GSAP: variants seen among roughly 807,000 people sequenced by gnomAD.
GSAP encodes gamma-secretase activating protein.
A neutral mutation model predicts 131.7 loss-of-function variants in GSAP; 118 were observed. That is an observed-to-expected ratio of 0.90 (90% CI 0.77 to 1.04). GSAP has a LOEUF of 1.04. Ranked by LOEUF, GSAP falls within the 50% of genes least tolerant of loss-of-function variation. The probability of loss-of-function intolerance (pLI) is 0.00; values close to 1 mark genes in which losing one functional copy is unlikely to be tolerated. For synonymous variants in GSAP, 381 were observed against 363.4 expected (o/e 1.05, Z -0.55); for missense variants, 1,019 against 1,013.2 (o/e 1.01, Z -0.08).
chr7:77,399,704 G>T (rs1205043765), intron 3 of GSAP, among the ~76,000 whole-genome samples: 1 of 104,052 alleles, frequency 9.6e-6, no homozygotes, highest in African/African-American at 4.7e-5. Context: ...AACTTGAGGT[G>T]GGGGGGGGCG....
intron 26 of GSAP, chr7:77,316,226 T>C (rs1324167800): frequency 3.3e-5 from 5 of 152,130 alleles, no homozygotes; most frequent in African/African-American, 9.7e-5. Context: ...CAGAGAGGCA[T>C]GGTAACATGT....
intron 18 of GSAP, among the ~76,000 whole-genome samples, chr7:77,350,257 A>G (rs2150832364): frequency 9.7e-6 from 1 of 102,654 alleles, no homozygotes. Context: ...GGAACATCAC[A>G]CTCTGGGGAC....
chr7:77,368,666 C>T (rs1795675127), intron 12 of GSAP, among the ~76,000 whole-genome samples: 2 of 152,188 alleles, frequency 1.3e-5, no homozygotes, highest in African/African-American at 4.8e-5. Flanking sequence ...TTTTGGCTTA[C>T]TAAGTCTATT....
chr7:77,362,001 A>G (rs941944585), intron 13 of GSAP, among the ~76,000 whole-genome samples: 3 of 152,208 alleles, frequency 2.0e-5, no homozygotes, highest in African/African-American at 7.2e-5. Flanking sequence ...AAGCAAATAA[A>G]CACACTTTGG....
chr7:77,317,786 CA>C (rs1409189748), intron 26 of GSAP, among the ~76,000 whole-genome samples: 6 of 152,168 alleles, frequency 3.9e-5, no homozygotes, highest in Non-Finnish European at 8.8e-5. Flanking sequence ...ATTTCCCTAC[CA>C]AATTTTTTGT....
intron 19 of GSAP, among the ~76,000 whole-genome samples, chr7:77,332,161 C>T (rs780461279): frequency 4.6e-5 from 7 of 152,090 alleles, no homozygotes; most frequent in Non-Finnish European, 1.0e-4. Context: ...CTCAGATGCC[C>T]TCTAACTGTC....
chr7:77,377,237 T>TGTAAAAAAAAAAAAAAAAAAAA (rs759012113), intron 9 of GSAP, 49 bp downstream of exon 9: 1 of 777,390 alleles, frequency 1.3e-6, no homozygotes, highest in African/African-American at 2.8e-5. Flanking sequence ...AATATTTTTG[T>TGTAAAAAAAAAAAAAAAAAAAA]AAAAAAAAAA....
chr7:77,404,935 A>C (rs1350985035), intron 2 of GSAP, among the ~76,000 whole-genome samples: 10 of 152,264 alleles, frequency 6.6e-5, no homozygotes, highest in African/African-American at 2.4e-4. Context: ...TGACTAGGAC[A>C]AGTCCGTAAC....
chr7:77,326,120 A>G (rs1788298490), intron 23 of GSAP, 92 bp downstream of exon 23: 2 of 843,662 alleles, frequency 2.4e-6, no homozygotes, highest in South Asian at 3.3e-5. Context: ...AGAATAAAGA[A>G]TAAGATCAGA....
At chr7:77,389,225 C>T (rs4296977) in intron 5 of GSAP, among the ~76,000 whole-genome samples, 134,916 of 151,614 alleles carry the variant, frequency 0.89, 60,376 homozygotes, top group African/African-American at 0.97. Context: ...TAAAAGTATG[C>T]GTGTGTGTAT....
intron 8 of GSAP, among the ~76,000 whole-genome samples, chr7:77,378,788 G>A (rs1430331148): frequency 6.6e-6 from 1 of 152,154 alleles, no homozygotes; most frequent in Non-Finnish European, 1.5e-5. Context: ...TAATTTAACA[G>A]AAGCAGTTAA....
At position 77,371,665 on chromosome 7, in the gene GSAP, G is replaced by A. The variant is rs552564030; in HGVS notation, c.871+2405C>T. On this transcript the variant is annotated intron_variant, in intron 12 of 30. Coordinates refer to ENST00000257626, the MANE Select transcript of GSAP (RefSeq NM_017439.4). ...TTGGCCAGGCTGCTCTCAAACTCCT[G>A]ACTTCAGGTGATCTGCCCGCCTCGG... Among the ~76,000 whole-genome samples the A allele has an allele frequency of 1.2e-4, 18 of 152,252 alleles. No homozygotes were observed. The East Asian group carries it at 3.1e-3, about 26-fold the overall frequency.
chr7:77,314,896 A>G (rs1794805423), intron 26 of GSAP: 1 of 164,334 alleles, frequency 6.1e-6, no homozygotes, highest in African/African-American at 2.4e-5. Context: ...TTTGGACCAG[A>G]AGGCAATAGT....
chr7:77,407,064 C>G (rs1360095795), intron 1 of GSAP, among the ~76,000 whole-genome samples: 1 of 152,168 alleles, frequency 6.6e-6, no homozygotes, highest in Non-Finnish European at 1.5e-5. Context: ...TCAGGGACTA[C>G]AGGGCATTGA....
rs545305375 is a variant in GSAP at position 77,322,302 on chromosome 7, G to A, written c.1924-899C>T. On this transcript the variant is annotated intron_variant, in intron 24 of 30. Coordinates refer to ENST00000257626, the MANE Select transcript of GSAP (RefSeq NM_017439.4). ...CTCCTTAGAGGGGAGCAGAAGGCAT[G>A]ACTAGTGGCTGCTGGGCAGGGGCAG... 1.1e-4 allele frequency among the ~76,000 whole-genome samples: 17 copies of A among 152,344 alleles called. No homozygotes were observed. The South Asian group carries it at 3.5e-3, about 32-fold the overall frequency.
chr7:77,314,319 T>A, intron 27 of GSAP, 51 bp downstream of exon 27: 5 of 1,605,752 alleles, frequency 3.1e-6, no homozygotes, highest in Non-Finnish European at 4.3e-6. Context: ...AAGCTAGCCT[T>A]GGTGGTGCTC....
At position 77,311,324 on chromosome 7, in the gene GSAP, A is replaced by C. The variant is rs371688928; in HGVS notation, c.*34T>G. The C allele has an allele frequency of 2.7e-4, 323 of 1,198,264 alleles. 2 individuals carry two copies. The highest frequency in any genetic ancestry group is 1.3e-3 in the Middle Eastern group (7 of 5,262). 74.2% of individuals were successfully genotyped at this position (1,198,264 alleles called of 1,614,324 possible). On this transcript the variant is annotated 3_prime_UTR_variant, in exon 31 of 31. Coordinates refer to ENST00000257626, the MANE Select transcript of GSAP (RefSeq NM_017439.4). ...GAGTAAGGTTAATGAGCAAGATTAA[A>C]ATGGCAGCAGCAGATCCAATTGCGT...
chr7:77,311,488 C>T (rs755538822), intron 30 of GSAP, 39 bp from the exon 31 acceptor site: 2 of 1,017,336 alleles, frequency 2.0e-6, no homozygotes, highest in South Asian at 2.5e-5. Context: ...AAAAGGGTTA[C>T]CATGGGTCCG....
Position 77,414,844 on chromosome 7 carries a change from C to CTT in GSAP, c.109+1367_109+1368dup, listed in dbSNP as rs57095326. Reference sequence around the variant, plus strand: ...AAAAACTTTTCAGACATGTGGGCGACTTTTTTTTTTTTTTTTTTTTTTTTT... The same window carrying CTT: ...AAAAACTTTTCAGACATGTGGGCGACTTTTTTTTTTTTTTTTTTTTTTTTTTT... On this transcript the variant is annotated intron_variant, in intron 1 of 30. Coordinates refer to ENST00000257626, the MANE Select transcript of GSAP (RefSeq NM_017439.4). 4.4e-3 allele frequency among the ~76,000 whole-genome samples: 261 copies of CTT among 59,860 alleles called. 38 individuals are homozygous for CTT. The highest frequency in any genetic ancestry group is 0.013 in the African/African-American group (179 of 13,520). The allele number at this position is 59,860 out of a possible 152,430, so 39.3% of individuals were successfully genotyped here.
Sources: allele counts gnomAD v4.1 joint callset (sites outside exome capture counted in the v4.1 genomes callset), GRCh38; gene constraint gnomAD v4.1.1; transcripts MANE v1.5; gene names NCBI Gene and HGNC (gene_info 2026-07-23, HGNC 2026-07-21).